The following CHST12 variants were observed in gnomAD, a reference collection of about 807,000 sequenced individuals.
The protein encoded by CHST12 is carbohydrate sulfotransferase 12, also known as carbohydrate (chondroitin 4) sulfotransferase 12.
Under a neutral mutation model 27.9 loss-of-function variants are expected in CHST12, and 23 were observed. That is an observed-to-expected ratio of 0.82 (90% CI 0.59 to 1.17). The LOEUF (loss-of-function observed/expected upper bound fraction) is 1.17, where lower values mean the gene tolerates loss of function less well. CHST12 is among the 50% of genes most tolerant of loss of function. The pLI is 0.00. For synonymous variants in CHST12, 322 were observed against 273.0 expected (o/e 1.18, Z -1.77); for missense variants, 682 against 603.0 (o/e 1.13, Z -1.37).
rs1391792679 is a variant in CHST12, at chr7:2,439,479, A to G, written c.*5595A>G. On this transcript the variant is annotated 3_prime_UTR_variant, in exon 2 of 2. Transcript: ENST00000618655. ...CAGGCTGGAGTGCAGTGGTGTGATC[A>G]TAGCTCACTGCAGCCTCGACCTCCT... The G allele has an allele frequency of 6.6e-6, 1 of 151,400 alleles. No individual in the cohort carries two copies. Among genetic ancestry groups the G allele is most frequent in the Non-Finnish European group, 1.5e-5 (1 of 67,906 alleles). 9.4% of individuals were successfully genotyped at this position (151,400 alleles called of 1,614,324 possible). A position where few individuals can be genotyped will look rare whatever the true frequency, so the allele number is the denominator to read the frequency against.
chr7:2,447,874 T>G lies in CHST12; in HGVS notation c.*13990T>G, dbSNP rs1456269145. ...TAGGGAGAGCAGCCTGAATAAACACTTTTTTTGTTGTTGTTGAGGCAGAGC... is the reference window on the plus strand; with the variant it reads ...TAGGGAGAGCAGCCTGAATAAACACGTTTTTTGTTGTTGTTGAGGCAGAGC... On this transcript the variant is annotated 3_prime_UTR_variant, in exon 2 of 2. Transcript: ENST00000618655. 1 of 151,832 alleles carries G rather than the reference T, an allele frequency of 6.6e-6. No homozygotes were observed. Among genetic ancestry groups the G allele is most frequent in the Non-Finnish European group, 1.5e-5 (1 of 67,970 alleles). 9.4% of individuals were successfully genotyped at this position (151,832 alleles called of 1,614,324 possible).
Position 2,434,455 on chromosome 7 carries a change from T to C in CHST12, c.*571T>C, listed in dbSNP as rs558606042. 1.2e-5 allele frequency: 2 copies of C among 167,420 alleles called. No individual in the cohort carries two copies. Among genetic ancestry groups the C allele is most frequent in the Non-Finnish European group, 2.9e-5 (2 of 68,598 alleles). 10.4% of individuals were successfully genotyped at this position (167,420 alleles called of 1,614,324 possible). On this transcript the variant is annotated 3_prime_UTR_variant, in exon 2 of 2. Transcript: ENST00000618655. The stretch of plus-strand genomic sequence containing the variant: ...TTCCCATACTGTCTAGTTTAAATTA[T>C]GGCTGTTAAGGCCGGGCGGGTGACT...
At chr7:2,411,624 G>A (rs755440123) in intron 1 of CHST12, among the ~76,000 whole-genome samples, 1 of 149,780 alleles carries the variant, frequency 6.7e-6, no homozygotes, top group Non-Finnish European at 1.5e-5. Context: ...CAAGTAGCTG[G>A]GATGATAGGT....
chr7:2,447,209 CTG>C lies in CHST12; in HGVS notation c.*13326_*13327del, dbSNP rs1184180809. The stretch of plus-strand genomic sequence containing the variant: ...GGAAGACCCCATACAGCAGCGACCA[CTG>C]AGGCTGGTGCTGCACTTTCTCAGGG... On this transcript the variant is annotated 3_prime_UTR_variant, in exon 2 of 2. Transcript: ENST00000618655. 1 of 152,264 alleles carries C rather than the reference CTG, an allele frequency of 6.6e-6. No individual in the cohort carries two copies. Among genetic ancestry groups the C allele is most frequent in the Non-Finnish European group, 1.5e-5 (1 of 68,068 alleles). The allele number at this position is 152,264 out of a possible 1,614,324, so 9.4% of individuals were successfully genotyped here.
At position 2,442,532 on chromosome 7, in the gene CHST12, T is replaced by A. The variant is rs1345490254; in HGVS notation, c.*8648T>A. 3.3e-5 allele frequency: 5 copies of A among 151,998 alleles called. No homozygotes were observed. The highest frequency in any genetic ancestry group is 1.2e-4 in the African/African-American group (5 of 41,358). 9.4% of individuals were successfully genotyped at this position (151,998 alleles called of 1,614,324 possible). ...GTGCCCACCACCACGCCTGGCTAAT[T>A]TTTTGTATTTTTAGTAGAGACGGAG... is the stretch of plus-strand genomic sequence containing the variant. On this transcript the variant is annotated 3_prime_UTR_variant, in exon 2 of 2. Coordinates refer to ENST00000618655, the MANE Select transcript of CHST12 (RefSeq NM_018641.5).
In CHST12 at chr7:2,434,572, T is replaced by C. The variant is rs1337982249; in HGVS notation, c.*688T>C. On this transcript the variant is annotated 3_prime_UTR_variant, in exon 2 of 2. Transcript: ENST00000618655. ...ACCTGGCCAACATGGTGAAACCCTG[T>C]CTCTACTAAAAAAAAAAAAAAAAAA... 3 of 71,408 alleles carry C rather than the reference T, an allele frequency of 4.2e-5. No homozygotes were observed. Among genetic ancestry groups the C allele is most frequent in the African/African-American group, 1.5e-4 (3 of 19,700 alleles). The allele number at this position is 71,408 out of a possible 1,614,324, so 4.4% of individuals were successfully genotyped here. A position where few individuals can be genotyped will look rare whatever the true frequency, so the allele number is the denominator to read the frequency against.
intron 1 of CHST12, among the ~76,000 whole-genome samples, chr7:2,411,274 T>C (rs1717241860): frequency 6.6e-6 from 1 of 151,842 alleles, no homozygotes; most frequent in African/African-American, 2.4e-5. Flanking sequence ...TACAGATGGC[T>C]TCTTGGTATG....
rs1289214551 is a variant in CHST12 at position 2,439,861 on chromosome 7, C to A, written c.*5977C>A. On this transcript the variant is annotated 3_prime_UTR_variant, in exon 2 of 2. Coordinates refer to ENST00000618655, the MANE Select transcript of CHST12 (RefSeq NM_018641.5). Reference sequence around the variant, plus strand: ...CGCCACTACACTCCAGCCTGGGCGACAGAGCGAGACTCCGTCTCAAAAAAA... The same window carrying A: ...CGCCACTACACTCCAGCCTGGGCGAAAGAGCGAGACTCCGTCTCAAAAAAA... 6.6e-6 allele frequency: 1 copy of A among 151,886 alleles called. No homozygotes were observed. The highest frequency in any genetic ancestry group is 2.4e-5 in the African/African-American group (1 of 41,398). 9.4% of individuals were successfully genotyped at this position (151,886 alleles called of 1,614,324 possible).
intron 1 of CHST12, among the ~76,000 whole-genome samples, chr7:2,410,511 TAATA>T (rs1352102842): frequency 2.6e-5 from 4 of 152,076 alleles, no homozygotes; most frequent in African/African-American, 9.7e-5. Flanking sequence ...ACTCTAAAAA[TAATA>T]AATAAAAGAT....
At chr7:2,406,699 C>T (rs573183017) in intron 1 of CHST12, among the ~76,000 whole-genome samples, 119 of 152,216 alleles carry the variant, frequency 7.8e-4, no homozygotes, top group Non-Finnish European at 1.3e-3. Flanking sequence ...ATCAGGAGGT[C>T]CCCAGTCAGC....
At chr7:2,410,585 G>A (rs962522966) in intron 1 of CHST12, among the ~76,000 whole-genome samples, 1 of 152,164 alleles carries the variant, frequency 6.6e-6, no homozygotes, top group Admixed American at 6.5e-5. Context: ...GGAGTGCAGG[G>A]TAGAGACTGG....
intron 1 of CHST12, among the ~76,000 whole-genome samples, chr7:2,407,078 T>C (rs965898468): frequency 6.7e-6 from 1 of 148,890 alleles, no homozygotes; most frequent in African/African-American, 2.5e-5. Context: ...AATCAGTTAG[T>C]GGGTGAAAGA....
At chr7:2,426,607 C>A (rs1293188374) in intron 1 of CHST12, among the ~76,000 whole-genome samples, 1 of 151,290 alleles carries the variant, frequency 6.6e-6, no homozygotes, top group African/African-American at 2.4e-5. Flanking sequence ...CACTCTTGCA[C>A]CCTTAATTAT....
At chr7:2,413,920 G>C (rs1781736303) in intron 1 of CHST12, among the ~76,000 whole-genome samples, 1 of 151,634 alleles carries the variant, frequency 6.6e-6, no homozygotes, top group South Asian at 2.1e-4. Context: ...GTAGAGATGG[G>C]GTTTCACCAT....
Position 2,433,525 on chromosome 7 carries a change from C to G in CHST12, c.886C>G (p.Leu296Val). ...ASAREAFRAG[L>V]KVSFANFIQY... ...GGCGCGCGAGGCCTTCCGCGCTGGC[C>G]TCAAGGTGTCCTTCGCCAACTTCAT... is the stretch of plus-strand genomic sequence containing the variant. Residue 296 changes from leucine (L) to valine (V), a missense_variant, in exon 2 of 2, where the codon CTC becomes GTC. Leu to Val is a conservative substitution (Grantham distance 32, BLOSUM62 1). Transcript: ENST00000618655. The surrounding 1 kb of genome is among the most constrained non-coding windows in gnomAD (Gnocchi z 6.1). The G allele has an allele frequency of 6.2e-7, 1 of 1,612,970 alleles. No homozygotes were observed. The highest frequency in any genetic ancestry group is 1.1e-5 in the South Asian group (1 of 91,080).
At chr7:2,413,987 C>G (rs1781738019) in intron 1 of CHST12, among the ~76,000 whole-genome samples, 1 of 152,082 alleles carries the variant, frequency 6.6e-6, no homozygotes, top group African/African-American at 2.4e-5. Context: ...CCTCGGCCTC[C>G]CAAAGTGCTG....
chr7:2,432,175 A>AAT (rs1782288398), intron 1 of CHST12, among the ~76,000 whole-genome samples: 1 of 146,484 alleles, frequency 6.8e-6, no homozygotes, highest in Non-Finnish European at 1.5e-5. Flanking sequence ...AAAAAAAAAA[A>AAT]AATCAGCCTT....
At chr7:2,430,971 T>G (rs1310241486) in intron 1 of CHST12, among the ~76,000 whole-genome samples, 2 of 152,238 alleles carry the variant, frequency 1.3e-5, no homozygotes, top group African/African-American at 4.8e-5. Context: ...CTGTGTTCTC[T>G]TGTTAGGTGA....
rs2115460505 is a variant in CHST12 at position 2,440,660 on chromosome 7, T to C, written c.*6776T>C. 6.6e-6 allele frequency: 1 copy of C among 152,306 alleles called. No homozygotes were observed. The highest frequency in any genetic ancestry group is 6.5e-5 in the Admixed American group (1 of 15,306). The allele number at this position is 152,306 out of a possible 1,614,324, so 9.4% of individuals were successfully genotyped here. A position where few individuals can be genotyped will look rare whatever the true frequency, so the allele number is the denominator to read the frequency against. On this transcript the variant is annotated 3_prime_UTR_variant, in exon 2 of 2. Coordinates refer to ENST00000618655, the MANE Select transcript of CHST12 (RefSeq NM_018641.5). ...CAGGCTGATTTGGGAGGTGGTGGTT[T>C]ATACCTGTAGTCACCTTCTATCTTA... is the stretch of plus-strand genomic sequence containing the variant.
Sources: gnomAD v4.1 joint callset for allele counts (sites outside exome capture counted in the v4.1 genomes callset) on GRCh38, gnomAD v4.1.1 for gene constraint, Gnocchi (gnomAD v3.1) non-coding constraint, MANE v1.5 for transcripts, NCBI Gene and HGNC (gene_info 2026-07-23, HGNC 2026-07-21) for gene names.